The following GNA14 variants were observed in gnomAD, a reference collection of about 807,000 sequenced individuals.
GNA14 encodes the protein G protein subunit alpha 14, also known as guanine nucleotide-binding protein subunit alpha-14.
A neutral mutation model predicts 42.0 loss-of-function variants in GNA14; 50 were observed. That is an observed-to-expected ratio of 1.19 (90% CI 0.95 to 1.51). GNA14 has a LOEUF of 1.51. Ranked by LOEUF, GNA14 falls within the 40% of genes most tolerant of loss-of-function variation. The probability of loss-of-function intolerance (pLI) is 0.00; values close to 1 mark genes in which losing one functional copy is unlikely to be tolerated. For synonymous variants in GNA14, 173 were observed against 163.1 expected (o/e 1.06, Z -0.46); for missense variants, 473 against 446.2 (o/e 1.06, Z -0.54).
chr9:77,470,970 C>T (rs1448477379), intron 2 of GNA14, among the ~76,000 whole-genome samples: 1 of 151,688 alleles, frequency 6.6e-6, no homozygotes, highest in East Asian at 1.9e-4. Flanking sequence ...CACCAGGTCC[C>T]TCCCCAACAT....
At chr9:77,634,456 A>AAGGAAAGGAAGG (rs1554705276) in intron 1 of GNA14, among the ~76,000 whole-genome samples, 2 of 149,750 alleles carry the variant, frequency 1.3e-5, no homozygotes, top group Non-Finnish European at 3.0e-5. Context: ...AGCGAAAGGA[A>AAGGAAAGGAAGG]AGGAAAGGAA....
intron 2 of GNA14, among the ~76,000 whole-genome samples, chr9:77,435,504 A>G (rs1835628088): frequency 6.6e-6 from 1 of 152,036 alleles, no homozygotes; most frequent in South Asian, 2.1e-4. Context: ...TCCCACTGGG[A>G]GCCTCCCTCC....
intron 2 of GNA14, among the ~76,000 whole-genome samples, chr9:77,484,261 A>G (rs1836616501): frequency 1.3e-5 from 2 of 152,242 alleles, no homozygotes; most frequent in Non-Finnish European, 2.9e-5. Flanking sequence ...AATGGAATTT[A>G]TAAATACAGT....
At chr9:77,543,941 C>G (rs1044625405) in intron 1 of GNA14, among the ~76,000 whole-genome samples, 4 of 152,168 alleles carry the variant, frequency 2.6e-5, no homozygotes, top group Non-Finnish European at 5.9e-5. Context: ...CTAATTTTTA[C>G]TCTAATTTGA....
chr9:77,522,010 T>A (rs952899916), intron 2 of GNA14, among the ~76,000 whole-genome samples: 1 of 152,128 alleles, frequency 6.6e-6, no homozygotes, highest in African/African-American at 2.4e-5. Flanking sequence ...TTTTTATATA[T>A]ATTTTTAATA....
intron 1 of GNA14, among the ~76,000 whole-genome samples, chr9:77,575,338 C>T (rs376771109): frequency 2.1e-4 from 32 of 152,014 alleles, no homozygotes; most frequent in African/African-American, 7.0e-4. Context: ...GCTGAGATCG[C>T]GCCACTGCAC....
chr9:77,455,304 C>T (rs1345869280), intron 2 of GNA14, among the ~76,000 whole-genome samples: 1 of 152,210 alleles, frequency 6.6e-6, no homozygotes, highest in African/African-American at 2.4e-5. Flanking sequence ...AGAGACTCTC[C>T]TTGAACTCTA....
intron 1 of GNA14, among the ~76,000 whole-genome samples, chr9:77,644,857 C>T (rs1824329811): frequency 6.6e-6 from 1 of 152,206 alleles, no homozygotes; most frequent in African/African-American, 2.4e-5. Context: ...ATTGTCCTGA[C>T]ACTTTCTCCC....
intron 2 of GNA14, among the ~76,000 whole-genome samples, chr9:77,489,841 G>A (rs1234300871): frequency 6.6e-6 from 1 of 152,158 alleles, no homozygotes; most frequent in Non-Finnish European, 1.5e-5. Flanking sequence ...CCCAAAGAGT[G>A]AGCAGTAGCA....
intron 5 of GNA14, among the ~76,000 whole-genome samples, 199 bp downstream of exon 5, chr9:77,428,708 G>C (rs1835494137): frequency 6.6e-6 from 1 of 152,176 alleles, no homozygotes; most frequent in Non-Finnish European, 1.5e-5. Context: ...GATGTAGTTG[G>C]TCGGGGTTGA....
At chr9:77,586,972 G>A (rs1275162132) in intron 1 of GNA14, among the ~76,000 whole-genome samples, 1 of 120,302 alleles carries the variant, frequency 8.3e-6, no homozygotes, top group Admixed American at 7.6e-5. Flanking sequence ...GATTTTACAG[G>A]CTGGTTTTTT....
At chr9:77,508,009 T>C (rs7036267) in intron 2 of GNA14, among the ~76,000 whole-genome samples, 34,589 of 152,198 alleles carry the variant, frequency 0.23, 4,212 homozygotes, top group East Asian at 0.46. Flanking sequence ...TGAGCCACTG[T>C]GCCTGGCCTC....
At chr9:77,431,024 T>TG (rs1554686110) in intron 4 of GNA14, among the ~76,000 whole-genome samples, 1,429 of 101,440 alleles carry the variant, frequency 0.014, 14 homozygotes, top group African/African-American at 0.027. Context: ...AAGTATACAT[T>TG]TGTGTGTGTG....
intron 5 of GNA14, among the ~76,000 whole-genome samples, chr9:77,428,149 GCTCA>G (rs913671840): frequency 2.1e-4 from 31 of 148,594 alleles, no homozygotes; most frequent in African/African-American, 6.8e-4. Context: ...TGCGATCTCG[GCTCA>G]CTGCAAGCTC....
chr9:77,485,959 T>C (rs1053790998), intron 2 of GNA14, among the ~76,000 whole-genome samples: 7 of 152,172 alleles, frequency 4.6e-5, no homozygotes, highest in East Asian at 1.9e-4. Context: ...GAATGGTAAA[T>C]TGGCATTAGT....
chr9:77,520,302 T>C (rs1255375946), intron 2 of GNA14, among the ~76,000 whole-genome samples: 1 of 152,202 alleles, frequency 6.6e-6, no homozygotes, highest in East Asian at 1.9e-4. Context: ...AGGCATTCAT[T>C]GATCAGTGAA....
chr9:77,647,149 C>T (rs1824368655), intron 1 of GNA14, among the ~76,000 whole-genome samples: 1 of 152,222 alleles, frequency 6.6e-6, no homozygotes, highest in South Asian at 2.1e-4. Context: ...GTCAGTTCTC[C>T]AGGCCTCCAT....
chr9:77,433,203 G>A (rs975596626), intron 3 of GNA14, among the ~76,000 whole-genome samples: 2 of 152,136 alleles, frequency 1.3e-5, no homozygotes, highest in Admixed American at 6.5e-5. Flanking sequence ...AGGGAAGGAG[G>A]TACGTCTGGG....
At chr9:77,619,398 A>G (rs890407476) in intron 1 of GNA14, among the ~76,000 whole-genome samples, 1 of 152,138 alleles carries the variant, frequency 6.6e-6, no homozygotes, top group Non-Finnish European at 1.5e-5. Flanking sequence ...ACAAGATTTC[A>G]GCATGTTAGC....
Sources: allele counts gnomAD v4.1 joint callset (sites outside exome capture counted in the v4.1 genomes callset), GRCh38; gene constraint gnomAD v4.1.1; transcripts MANE v1.5; gene names NCBI Gene and HGNC (gene_info 2026-07-23, HGNC 2026-07-21).